The following TTC29 variants were observed in gnomAD, a reference collection of about 807,000 sequenced individuals.
TTC29 encodes tetratricopeptide repeat domain 29.
TTC29 carries 49 observed loss-of-function variants against 58.1 expected under a neutral mutation model. The ratio of observed to expected loss-of-function variants is 0.84; its 90% CI spans 0.67 to 1.07. TTC29 has a LOEUF of 1.07. Among genes scored for constraint, TTC29 ranks in the 50% least tolerant of loss-of-function variants. The pLI is 0.00. For synonymous variants in TTC29, 209 were observed against 196.8 expected (o/e 1.06, Z -0.52); for missense variants, 582 against 555.6 (o/e 1.05, Z -0.48).
intron 11 of TTC29, among the ~76,000 whole-genome samples, chr4:146,786,932 G>C (rs1003913283): frequency 8.6e-5 from 13 of 151,764 alleles, no homozygotes; most frequent in Non-Finnish European, 1.6e-4. Flanking sequence ...AGGTAACATA[G>C]TAAAAACCCC....
At chr4:146,855,356 C>T (rs1729775837) in intron 8 of TTC29, among the ~76,000 whole-genome samples, 1 of 152,152 alleles carries the variant, frequency 6.6e-6, no homozygotes, top group East Asian at 1.9e-4. Flanking sequence ...TAGCTTGAAC[C>T]CAGGAGGTGG....
In TTC29 at chr4:146,922,387, T is replaced by C. The variant is rs769950874; in HGVS notation, c.177-13138A>G. 3.7e-4 allele frequency among the ~76,000 whole-genome samples: 56 copies of C among 151,680 alleles called. 1 individual carries two copies. The highest frequency in any genetic ancestry group is 3.4e-3 in the Middle Eastern group (1 of 294). Reference sequence around the variant, plus strand: ...AAGTTGACACATAAAATGAAAGAACTGGTTATGTGAAAAGAAAAAGATATC... The same window carrying C: ...AAGTTGACACATAAAATGAAAGAACCGGTTATGTGAAAAGAAAAAGATATC... On this transcript the variant is annotated intron_variant, in intron 4 of 12. Transcript: ENST00000325106.
rs371038275 is a variant in TTC29 at position 146,855,073 on chromosome 4, A to AT, written c.885+12424dup. Reference sequence around the variant, plus strand: ...GCACTTTGGAAGGTTGAGATGGGTGATTCGCTTGAGGTCAGGAGTTCAAGA... The same window carrying AT: ...GCACTTTGGAAGGTTGAGATGGGTGATTTCGCTTGAGGTCAGGAGTTCAAGA... On this transcript the variant is annotated intron_variant, in intron 8 of 12. Coordinates refer to ENST00000325106, the MANE Select transcript of TTC29 (RefSeq NM_031956.4). Among the ~76,000 whole-genome samples, 16 of 152,184 alleles carry AT rather than the reference A, an allele frequency of 1.1e-4. No homozygotes were observed. In the East Asian group the frequency reaches 3.1e-3, roughly 29 times the overall value.
chr4:146,917,975 G>A (rs1734349188), intron 4 of TTC29, among the ~76,000 whole-genome samples: 1 of 150,246 alleles, frequency 6.7e-6, no homozygotes, highest in South Asian at 2.1e-4. Flanking sequence ...TTTTGATTTA[G>A]ACTCAATTTA....
chr4:146,824,011 T>C (rs1245319549), intron 9 of TTC29, among the ~76,000 whole-genome samples: 2 of 152,180 alleles, frequency 1.3e-5, no homozygotes. Flanking sequence ...GCTGAGACAA[T>C]GGGATTTTCT....
At chr4:146,712,733 G>A (rs751012169) in intron 11 of TTC29, among the ~76,000 whole-genome samples, 5 of 152,092 alleles carry the variant, frequency 3.3e-5, no homozygotes, top group African/African-American at 1.2e-4. Flanking sequence ...GCAGGGCTAA[G>A]GAGCTAATAA....
Position 146,718,885 on chromosome 4 carries a change from A to G in TTC29, c.1331-11334T>C, listed in dbSNP as rs145678411. On this transcript the variant is annotated intron_variant, in intron 11 of 12. Transcript: ENST00000325106. ...AATTCATTTTGAATTGATTTTGCGT[A>G]TGATGTGCGTTAAGGTTCAAATTTC... is the stretch of plus-strand genomic sequence containing the variant. Among the ~76,000 whole-genome samples the G allele has an allele frequency of 3.1e-3, 477 of 152,250 alleles. 2 individuals carry two copies. Among genetic ancestry groups the G allele is most frequent in the Non-Finnish European group, 4.7e-3 (318 of 67,996 alleles).
chr4:146,725,992 T>G (rs1205671982), intron 11 of TTC29, among the ~76,000 whole-genome samples: 1 of 152,208 alleles, frequency 6.6e-6, no homozygotes, highest in South Asian at 2.1e-4. Flanking sequence ...GTCACCTCAG[T>G]CTCCCAAATA....
chr4:146,917,679 T>G (rs963726190), intron 4 of TTC29, among the ~76,000 whole-genome samples: 11 of 145,492 alleles, frequency 7.6e-5, no homozygotes, highest in African/African-American at 2.5e-4. Flanking sequence ...TTATATAAAT[T>G]TTATATTATA....
intron 4 of TTC29, among the ~76,000 whole-genome samples, chr4:146,930,102 T>TACAC (rs1553942376): frequency 1.9e-4 from 25 of 129,668 alleles, no homozygotes; most frequent in African/African-American, 6.6e-4. Context: ...TATATATATA[T>TACAC]ATATATATAT....
intron 6 of TTC29, among the ~76,000 whole-genome samples, chr4:146,881,378 C>T (rs941658271): frequency 6.6e-6 from 1 of 152,074 alleles, no homozygotes; most frequent in Non-Finnish European, 1.5e-5. Flanking sequence ...AAATTGTGCA[C>T]ATTTGCTGAA....
At chr4:146,881,935 G>A (rs1731652902) in intron 6 of TTC29, among the ~76,000 whole-genome samples, 1 of 152,046 alleles carries the variant, frequency 6.6e-6, no homozygotes, top group Non-Finnish European at 1.5e-5. Flanking sequence ...TAAGATGCTA[G>A]TTTAAAAACG....
At chr4:146,729,428 C>T (rs760532408) in intron 11 of TTC29, among the ~76,000 whole-genome samples, 4 of 151,788 alleles carry the variant, frequency 2.6e-5, no homozygotes, top group Non-Finnish European at 5.9e-5. Context: ...GACTTTTTTC[C>T]GAGTTCATTT....
Position 146,908,920 on chromosome 4 carries a change from A to T in TTC29, c.400+106T>A. 3 of 942,380 alleles carry T rather than the reference A, an allele frequency of 3.2e-6. No homozygotes were observed. The Admixed American group carries it at 6.5e-5, about 20-fold the overall frequency. The allele number at this position is 942,380 out of a possible 1,614,324, so 58.4% of individuals were successfully genotyped here. ...TAATTGACTGGGTTGAAGTGTGCTA[A>T]GTTGTCTTAATGTTTCAAATTCATA... On this transcript the variant is annotated intron_variant, in intron 5 of 12. Transcript: ENST00000325106.
intron 4 of TTC29, among the ~76,000 whole-genome samples, chr4:146,923,321 TCA>T (rs1045156597): frequency 7.2e-5 from 11 of 151,734 alleles, no homozygotes; most frequent in African/African-American, 2.7e-4. Context: ...GATACAAAAA[TCA>T]CACACGCGCG....
intron 4 of TTC29, among the ~76,000 whole-genome samples, chr4:146,926,778 T>C (rs1442169970): frequency 6.6e-6 from 1 of 152,124 alleles, no homozygotes; most frequent in Non-Finnish European, 1.5e-5. Flanking sequence ...AGTTTTAACT[T>C]TAAGTTTCTT....
intron 8 of TTC29, among the ~76,000 whole-genome samples, chr4:146,840,156 A>G (rs928485581): frequency 9.3e-5 from 14 of 150,232 alleles, no homozygotes; most frequent in African/African-American, 3.2e-4. Flanking sequence ...TTAAGTGGGT[A>G]CTGGTTTTTA....
chr4:146,796,620 A>G lies in TTC29; in HGVS notation c.1330+6837T>C, dbSNP rs1749853188. Among the ~76,000 whole-genome samples the G allele has an allele frequency of 3.3e-5, 5 of 152,214 alleles. No individual in the cohort carries two copies. In the South Asian group the frequency reaches 1.0e-3, roughly 32 times the overall value. ...TTTTTTAGGATATAATCCATTAGAG[A>G]TGTATGGTCAAATTTCTCTGTTTTA... On this transcript the variant is annotated intron_variant, in intron 11 of 12. Transcript: ENST00000325106.
At chr4:146,719,965 T>C (rs544200467) in intron 11 of TTC29, among the ~76,000 whole-genome samples, 1 of 152,286 alleles carries the variant, frequency 6.6e-6, no homozygotes, top group African/African-American at 2.4e-5. Context: ...GGAAAATGCT[T>C]TCCCAGGGCT....
Sources: allele counts gnomAD v4.1 joint callset (sites outside exome capture counted in the v4.1 genomes callset), GRCh38; gene constraint gnomAD v4.1.1; transcripts MANE v1.5; gene names NCBI Gene and HGNC (gene_info 2026-07-23, HGNC 2026-07-21).